PPM1E: variants seen among roughly 807,000 people sequenced by gnomAD.
PPM1E encodes the protein protein phosphatase 1E.
Under a neutral mutation model 65.9 loss-of-function variants are expected in PPM1E, and 20 were observed. The ratio of observed to expected loss-of-function variants is 0.30; its 90% CI spans 0.21 to 0.44. The LOEUF (loss-of-function observed/expected upper bound fraction) is 0.44, where lower values mean the gene tolerates loss of function less well. Ranked by LOEUF, PPM1E falls within the 20% of genes least tolerant of loss-of-function variation. The pLI is 1.00. For missense variants in PPM1E, 713 were observed against 953.1 expected (o/e 0.75, Z 3.32); for synonymous variants, 352 against 374.9 (o/e 0.94, Z 0.70).
chr17:58,775,904 G>A (rs1181234149), intron 1 of PPM1E, among the ~76,000 whole-genome samples: 1 of 104,286 alleles, frequency 9.6e-6, no homozygotes, highest in African/African-American at 3.7e-5. Context: ...CTGGGCGACA[G>A]AGCGAGACTC....
intron 1 of PPM1E, among the ~76,000 whole-genome samples, chr17:58,831,384 A>C (rs1251901324): frequency 6.6e-6 from 1 of 152,168 alleles, no homozygotes; most frequent in African/African-American, 2.4e-5. Flanking sequence ...ACACTTGTTT[A>C]TATGTAACTT....
At chr17:58,917,686 T>C (rs1730834862) in intron 1 of PPM1E, among the ~76,000 whole-genome samples, 1 of 152,224 alleles carries the variant, frequency 6.6e-6, no homozygotes, top group African/African-American at 2.4e-5. Context: ...ATAGTATTTA[T>C]CTACTGCCAA....
At chr17:58,782,927 CA>C (rs1166455680) in intron 1 of PPM1E, among the ~76,000 whole-genome samples, 1 of 152,108 alleles carries the variant, frequency 6.6e-6, no homozygotes, top group African/African-American at 2.4e-5. Context: ...TATTTTCCAT[CA>C]AGGAGAATAA....
chr17:58,817,924 T>C (rs2050442705), intron 1 of PPM1E, among the ~76,000 whole-genome samples: 1 of 152,102 alleles, frequency 6.6e-6, no homozygotes, highest in Non-Finnish European at 1.5e-5. Context: ...GTTAATTTTT[T>C]GTATTTTTAG....
At chr17:58,928,556 TA>T (rs768152363) in intron 1 of PPM1E, among the ~76,000 whole-genome samples, 2 of 151,922 alleles carry the variant, frequency 1.3e-5, no homozygotes, top group Non-Finnish European at 2.9e-5. Flanking sequence ...AATGGGCTTG[TA>T]AAAAGGATAT....
At chr17:58,950,880 G>A (rs1267481610) in intron 1 of PPM1E, among the ~76,000 whole-genome samples, 4 of 149,564 alleles carry the variant, frequency 2.7e-5, no homozygotes, top group East Asian at 2.0e-4. Context: ...CTGGGTTCAC[G>A]CCATTCTCCT....
intron 1 of PPM1E, among the ~76,000 whole-genome samples, chr17:58,758,695 G>T (rs1457483852): frequency 1.3e-5 from 2 of 152,138 alleles, no homozygotes; most frequent in African/African-American, 4.8e-5. Context: ...TTTATATTGT[G>T]TTTTGTACAG....
chr17:58,774,430 G>A (rs1439442515), intron 1 of PPM1E, among the ~76,000 whole-genome samples: 1 of 152,018 alleles, frequency 6.6e-6, no homozygotes, highest in Non-Finnish European at 1.5e-5. Flanking sequence ...GCATATTTAG[G>A]TATAAATAAT....
chr17:58,776,194 G>A (rs1349630139), intron 1 of PPM1E, among the ~76,000 whole-genome samples: 1 of 151,834 alleles, frequency 6.6e-6, no homozygotes. Flanking sequence ...AGACATGCTG[G>A]TGCGCCTCTG....
intron 1 of PPM1E, among the ~76,000 whole-genome samples, chr17:58,928,613 T>G (rs1344588660): frequency 2.0e-5 from 3 of 152,020 alleles, no homozygotes; most frequent in Non-Finnish European, 4.4e-5. Flanking sequence ...AAACTAAACA[T>G]GTACCTTCCC....
At chr17:58,957,098 A>G (rs1381333939) in intron 2 of PPM1E, among the ~76,000 whole-genome samples, 1 of 152,174 alleles carries the variant, frequency 6.6e-6, no homozygotes, top group Non-Finnish European at 1.5e-5. Flanking sequence ...TAATGAAAAG[A>G]TAGATTAAAT....
Position 58,756,372 on chromosome 17 carries a change from C to T in PPM1E, c.375C>T (p.Pro125=). The T allele has an allele frequency of 1.5e-6, 2 of 1,374,780 alleles. No homozygotes were observed. 85.2% of individuals were successfully genotyped at this position (1,374,780 alleles called of 1,614,324 possible). Residue 125 remains proline (P), a synonymous_variant, in exon 1 of 7, where the codon CCC becomes CCT. Transcript: ENST00000308249. ...PPPPPQLPPL[P]PLPRPLSERI... is the part of the protein sequence containing the mutation. ...CGCCGCCCCAGCTGCCGCCTTTGCCCCCGCTCCCGCGACCGCTGTCAGAGC... is the reference window on the plus strand; with the variant it reads ...CGCCGCCCCAGCTGCCGCCTTTGCCTCCGCTCCCGCGACCGCTGTCAGAGC...
intron 1 of PPM1E, among the ~76,000 whole-genome samples, chr17:58,801,207 C>T (rs968028408): frequency 3.9e-5 from 6 of 151,972 alleles, no homozygotes; most frequent in South Asian, 2.1e-4. Context: ...AAATCGTATA[C>T]GTTTTCATTG....
intron 1 of PPM1E, among the ~76,000 whole-genome samples, chr17:58,952,384 G>A (rs2052251610): frequency 6.6e-6 from 1 of 152,134 alleles, no homozygotes; most frequent in Admixed American, 6.5e-5. Flanking sequence ...CTGGGTGCAG[G>A]CACACAGTTT....
chr17:58,896,988 A>T (rs1404667044), intron 1 of PPM1E, among the ~76,000 whole-genome samples: 1 of 152,106 alleles, frequency 6.6e-6, no homozygotes, highest in Admixed American at 6.6e-5. Flanking sequence ...AATTATGCTA[A>T]ATCTACTCTG....
chr17:58,946,463 TTTTTG>T (rs2052152293), intron 1 of PPM1E, among the ~76,000 whole-genome samples: 1 of 152,196 alleles, frequency 6.6e-6, no homozygotes. Context: ...GATTTGCAAT[TTTTTG>T]TTTTGTTTTG....
In PPM1E at chr17:58,866,525, T is replaced by A. The variant is rs2051005958; in HGVS notation, c.465-89124T>A. ...CAACTGTTTCCATAGACCCTAAGGG[T>A]CAAAACCACTCTTTTCTTATCTATA... is the stretch of plus-strand genomic sequence containing the variant. On this transcript the variant is annotated intron_variant, in intron 1 of 6. Coordinates refer to ENST00000308249, the MANE Select transcript of PPM1E (RefSeq NM_014906.5). Among the ~76,000 whole-genome samples the A allele has an allele frequency of 1.3e-5, 2 of 152,168 alleles. 1 individual carries two copies. Among genetic ancestry groups the A allele is most frequent in the South Asian group, 4.1e-4 (2 of 4,826 alleles).
At chr17:58,936,581 T>C (rs2051983900) in intron 1 of PPM1E, among the ~76,000 whole-genome samples, 1 of 152,200 alleles carries the variant, frequency 6.6e-6, no homozygotes, top group East Asian at 1.9e-4. Flanking sequence ...CTTTTAAACC[T>C]CTAATTTATC....
chr17:58,788,923 G>T (rs565426457), intron 1 of PPM1E, among the ~76,000 whole-genome samples: 2 of 152,258 alleles, frequency 1.3e-5, no homozygotes, highest in African/African-American at 4.8e-5. Context: ...AATAATTTTA[G>T]TCAGTGATCC....
Sources: allele counts gnomAD v4.1 joint callset (sites outside exome capture counted in the v4.1 genomes callset), GRCh38; gene constraint gnomAD v4.1.1; transcripts MANE v1.5; gene names NCBI Gene and HGNC (gene_info 2026-07-23, HGNC 2026-07-21).